The following GAREM1 variants were observed in gnomAD, a reference collection of about 807,000 sequenced individuals.
GAREM1 encodes GRB2 associated regulator of MAPK1 subtype 1, also known as GRB2-associated and regulator of MAPK protein 1.
Under a neutral mutation model 71.3 loss-of-function variants are expected in GAREM1, and 26 were observed. That is an observed-to-expected ratio of 0.36 (90% CI 0.27 to 0.51). The LOEUF is 0.51. Among genes scored for constraint, GAREM1 ranks in the 20% least tolerant of loss-of-function variants. GAREM1 has a pLI of 0.95. For synonymous variants in GAREM1, 440 were observed against 433.2 expected, an observed-to-expected ratio of 1.02 and a Z score of -0.20; for missense variants, 1,026 against 1,103.1, an observed-to-expected ratio of 0.93 and a Z score of 0.99.
At chr18:32,406,222 G>T (rs1048708060) in intron 1 of GAREM1, among the ~76,000 whole-genome samples, 3 of 151,990 alleles carry the variant, frequency 2.0e-5, no homozygotes, top group Non-Finnish European at 4.4e-5. Flanking sequence ...TAGAGACGGG[G>T]TTTCACCATG....
chr18:32,295,830 T>G (rs2047133971), intron 3 of GAREM1, among the ~76,000 whole-genome samples: 1 of 152,220 alleles, frequency 6.6e-6, no homozygotes, highest in Non-Finnish European at 1.5e-5. Context: ...TTCAGGTAAG[T>G]ATTGCTATTA....
intron 4 of GAREM1, among the ~76,000 whole-genome samples, chr18:32,283,640 A>G (rs1321988500): frequency 6.6e-6 from 1 of 152,244 alleles, no homozygotes; most frequent in East Asian, 1.9e-4. Context: ...AGCATCAAAT[A>G]CAAAGATACA....
At chr18:32,365,531 T>A (rs2047922067) in intron 2 of GAREM1, among the ~76,000 whole-genome samples, 1 of 152,166 alleles carries the variant, frequency 6.6e-6, no homozygotes, top group African/African-American at 2.4e-5. Context: ...AAATAACCTT[T>A]CTATACCACA....
In GAREM1 at chr18:32,268,277, G is replaced by A. The variant is rs1192557844; in HGVS notation, c.2225C>T (p.Ser742Phe). ...LVEEKVASET[S>F]PLPLKIDGAE... ...ACCATCAATTTTCAGAGGCAAAGGAGATGTTTCGGAGGCGACCTTCTCTTC... is the reference window on the plus strand; with the variant it reads ...ACCATCAATTTTCAGAGGCAAAGGAAATGTTTCGGAGGCGACCTTCTCTTC... The change falls in exon 6 of 6, where the codon TCT becomes TTT. Residue 742 changes from serine to phenylalanine, a missense_variant. By Grantham distance (155) the Ser-to-Phe change is radical. Around this residue, in one of 3 missense-constraint regions of GAREM1, gnomAD observed 636 missense variants for 631.2 expected, o/e 1.01. Coordinates refer to ENST00000269209, the MANE Select transcript of GAREM1 (RefSeq NM_001242409.2). The A allele has an allele frequency of 6.2e-7, 1 of 1,614,150 alleles. No homozygotes were observed. Among genetic ancestry groups the A allele is most frequent in the Non-Finnish European group, 8.5e-7 (1 of 1,180,000 alleles).
intron 4 of GAREM1, among the ~76,000 whole-genome samples, chr18:32,271,436 G>A (rs992125994): frequency 2.0e-5 from 3 of 152,064 alleles, no homozygotes; most frequent in Admixed American, 2.0e-4. Flanking sequence ...CTACTTGCCT[G>A]GGCCTCCCAC....
rs192857060 is a variant in GAREM1 at position 32,369,370 on chromosome 18, T to C, written c.262+23525A>G. On this transcript the variant is annotated intron_variant, in intron 2 of 5. Coordinates refer to ENST00000269209, the MANE Select transcript of GAREM1 (RefSeq NM_001242409.2). The stretch of plus-strand genomic sequence containing the variant: ...TGTCACTTTACCAATCTGAAACTCT[T>C]TCCTTCTAATTTCAGCACAGACAGA... Among the ~76,000 whole-genome samples the C allele has an allele frequency of 2.1e-4, 32 of 152,136 alleles. No individual in the cohort carries two copies. In the East Asian group the frequency reaches 4.3e-3, roughly 20 times the overall value.
chr18:32,325,548 T>TA, intron 2 of GAREM1, among the ~76,000 whole-genome samples: 1 of 152,114 alleles, frequency 6.6e-6, no homozygotes, highest in Non-Finnish European at 1.5e-5. Context: ...ATTAAGCCTT[T>TA]AAAAAACAGA....
chr18:32,448,059 A>C (rs1181474997), intron 1 of GAREM1, among the ~76,000 whole-genome samples: 1 of 152,202 alleles, frequency 6.6e-6, no homozygotes, highest in African/African-American at 2.4e-5. Flanking sequence ...ATAATAAAGA[A>C]TTGCTATGGT....
At chr18:32,433,186 A>G (rs1158201739) in intron 1 of GAREM1, among the ~76,000 whole-genome samples, 1 of 151,796 alleles carries the variant, frequency 6.6e-6, no homozygotes, top group Admixed American at 6.6e-5. Context: ...GGATCGTATC[A>G]ATTGATGTAG....
At chr18:32,358,185 C>A (rs2047824517) in intron 2 of GAREM1, among the ~76,000 whole-genome samples, 1 of 142,026 alleles carries the variant, frequency 7.0e-6, no homozygotes, top group Non-Finnish European at 1.5e-5. Flanking sequence ...TCACAGGGGA[C>A]CCTTTCGGAG....
At chr18:32,407,304 T>C (rs890435268) in intron 1 of GAREM1, among the ~76,000 whole-genome samples, 1 of 152,188 alleles carries the variant, frequency 6.6e-6, no homozygotes, top group African/African-American at 2.4e-5. Context: ...TCAGGGCCAA[T>C]GGTCCCTGTG....
At chr18:32,395,451 T>C (rs2048243556) in intron 1 of GAREM1, among the ~76,000 whole-genome samples, 1 of 152,132 alleles carries the variant, frequency 6.6e-6, no homozygotes, top group Non-Finnish European at 1.5e-5. Context: ...AGATGCTGGG[T>C]GGGGGAAGTA....
chr18:32,315,462 A>G (rs1243168491), intron 2 of GAREM1, among the ~76,000 whole-genome samples: 6 of 147,398 alleles, frequency 4.1e-5, no homozygotes, highest in Non-Finnish European at 9.0e-5. Context: ...AAGTATATAT[A>G]TAAATATATA....
chr18:32,457,234 T>A (rs1411075100), intron 1 of GAREM1, among the ~76,000 whole-genome samples: 38 of 149,358 alleles, frequency 2.5e-4, no homozygotes, highest in Non-Finnish European at 3.9e-4. Context: ...AGAGTGTGTG[T>A]GTGTGTGTGT....
chr18:32,427,551 T>C (rs2048587240), intron 1 of GAREM1, among the ~76,000 whole-genome samples: 1 of 152,122 alleles, frequency 6.6e-6, no homozygotes, highest in Non-Finnish European at 1.5e-5. Context: ...ATCAGAAGCA[T>C]CGACAGAAAA....
chr18:32,350,876 T>G (rs1373016515), intron 2 of GAREM1, among the ~76,000 whole-genome samples: 1 of 152,198 alleles, frequency 6.6e-6, no homozygotes, highest in African/African-American at 2.4e-5. Flanking sequence ...GCATGATGTT[T>G]AAACAAAATT....
At chr18:32,344,207 A>T (rs10502589) in intron 2 of GAREM1, among the ~76,000 whole-genome samples, 17,024 of 152,100 alleles carry the variant, frequency 0.11, 1,901 homozygotes, top group African/African-American at 0.29. Context: ...TTCTTTAGGA[A>T]TTGATCTCTT....
chr18:32,336,517 C>A (rs1467157976), intron 2 of GAREM1, among the ~76,000 whole-genome samples: 1 of 151,968 alleles, frequency 6.6e-6, no homozygotes, highest in Non-Finnish European at 1.5e-5. Context: ...TAAGTACTTA[C>A]CAAATTTAAA....
chr18:32,418,935 C>T (rs754476790), intron 1 of GAREM1, among the ~76,000 whole-genome samples: 3 of 152,190 alleles, frequency 2.0e-5, no homozygotes, highest in African/African-American at 7.2e-5. Context: ...TATAGTCAGA[C>T]GTCTAGCACT....
Sources: allele counts gnomAD v4.1 joint callset (sites outside exome capture counted in the v4.1 genomes callset), GRCh38; gene constraint gnomAD v4.1.1; regional missense constraint gnomAD v4.1.1; transcripts MANE v1.5; gene names NCBI Gene and HGNC (gene_info 2026-07-23, HGNC 2026-07-21).